Variants in PTPN13 observed in about 807,000 individuals in gnomAD.
PTPN13 encodes the protein tyrosine-protein phosphatase non-receptor type 13.
In PTPN13, 191 loss-of-function variants were observed where a neutral mutation model predicts 284.0. The observed-to-expected ratio is 0.67, with a 90% CI of 0.60 to 0.76. PTPN13 has a LOEUF of 0.76. Ranked by LOEUF, PTPN13 falls within the 30% of genes least tolerant of loss-of-function variation. PTPN13 has a pLI of 0.00. For missense variants in PTPN13, 2,797 were observed against 2,939.9 expected, an observed-to-expected ratio of 0.95 and a Z score of 1.12; for synonymous variants, 986 against 1,022.3, an observed-to-expected ratio of 0.96 and a Z score of 0.68.
intron 39 of PTPN13, 30 bp downstream of exon 39, chr4:86,785,398 A>G: frequency 6.4e-7 from 1 of 1,573,630 alleles, no homozygotes; most frequent in Non-Finnish European, 8.6e-7. Context: ...AAATTGGTAT[A>G]CTATGGAGTA....
In PTPN13 at chr4:86,814,688, CT is replaced by C. The variant is rs1466218975; in HGVS notation, c.*139del. 2.2e-5 allele frequency: 13 copies of C among 578,598 alleles called. No homozygotes were observed. Among genetic ancestry groups the C allele is most frequent in the Non-Finnish European group, 2.4e-5 (8 of 329,376 alleles). 35.8% of individuals were successfully genotyped at this position (578,598 alleles called of 1,614,324 possible). On this transcript the variant is annotated 3_prime_UTR_variant, in exon 48 of 48. Transcript: ENST00000411767. Reference sequence around the variant, plus strand: ...TTCTCCTCTATCTTAGAGGGGTATTCTTCTTGAAAATAAAAAATATTGAAAT... The same window carrying C: ...TTCTCCTCTATCTTAGAGGGGTATTCTCTTGAAAATAAAAAATATTGAAAT...
intron 2 of PTPN13, among the ~76,000 whole-genome samples, chr4:86,646,471 G>T (rs975351361): frequency 6.6e-6 from 1 of 151,802 alleles, no homozygotes; most frequent in Non-Finnish European, 1.5e-5. Context: ...CTATTTTCTC[G>T]TATTTTAGTA....
At chr4:86,643,303 A>G (rs1227771113) in intron 2 of PTPN13, among the ~76,000 whole-genome samples, 1 of 152,196 alleles carries the variant, frequency 6.6e-6, no homozygotes, top group Non-Finnish European at 1.5e-5. Flanking sequence ...GCAAAAATTG[A>G]AAGACCACAT....
intron 1 of PTPN13, among the ~76,000 whole-genome samples, chr4:86,624,134 C>T (rs765109203): frequency 6.6e-6 from 1 of 151,982 alleles, no homozygotes; most frequent in Non-Finnish European, 1.5e-5. Context: ...GTTGGTGGAT[C>T]GTTCCATTCT....
intron 2 of PTPN13, among the ~76,000 whole-genome samples, chr4:86,656,943 C>A (rs936382922): frequency 2.6e-5 from 4 of 152,224 alleles, no homozygotes; most frequent in Admixed American, 6.5e-5. Context: ...CATCCCCGAG[C>A]CTCGCTGCCG....
At chr4:86,759,186 G>A (rs1578594225) in intron 23 of PTPN13, 113 bp downstream of exon 23, 3 of 1,104,492 alleles carry the variant, frequency 2.7e-6, no homozygotes, top group Non-Finnish European at 3.8e-6. Context: ...TGCAACTTAA[G>A]TAAACTGTGA....
intron 16 of PTPN13, 57 bp from the exon 17 acceptor site, chr4:86,744,909 A>G (rs1305565416): frequency 3.1e-6 from 4 of 1,308,624 alleles, no homozygotes; most frequent in Non-Finnish European, 1.1e-6. Flanking sequence ...CCTAACAAGA[A>G]ATATAAATAA....
intron 2 of PTPN13, among the ~76,000 whole-genome samples, chr4:86,641,282 G>T (rs1723752593): frequency 6.6e-6 from 1 of 152,052 alleles, no homozygotes; most frequent in Non-Finnish European, 1.5e-5. Context: ...AAGTATAATG[G>T]TGTCCAAGAA....
chr4:86,758,799 T>C lies in PTPN13; in HGVS notation c.3421+14T>C, dbSNP rs757562554. The C allele has an allele frequency of 1.4e-5, 22 of 1,608,344 alleles. No homozygotes were observed. The highest frequency in any genetic ancestry group is 1.8e-5 in the Non-Finnish European group (21 of 1,177,628). On this transcript the variant is annotated intron_variant, in intron 22 of 47. Transcript: ENST00000411767. Reference sequence around the variant, plus strand: ...GCTTGAAGCCAGGTACTTTACATTTTGGTAGTTTTCTAAGTATTTTCTGAC... The same window carrying C: ...GCTTGAAGCCAGGTACTTTACATTTCGGTAGTTTTCTAAGTATTTTCTGAC...
rs1268209874 is a variant in PTPN13, at chr4:86,701,480, G to A, written c.874G>A (p.Val292Met). The A allele has an allele frequency of 7.4e-6, 12 of 1,613,808 alleles. No homozygotes were observed. The highest frequency in any genetic ancestry group is 1.6e-4 in the Middle Eastern group (1 of 6,084). Residue 292 changes from valine to methionine, a missense_variant, in exon 7 of 48, where the codon GTG becomes ATG. Coordinates refer to ENST00000411767, the MANE Select transcript of PTPN13 (RefSeq NM_080683.3). ...AAAAAAACCCATCCCTGGCATTGATGTGCTTTCTAAGAAGAAGATCTGGGC... is the reference window on the plus strand; with the variant it reads ...AAAAAAACCCATCCCTGGCATTGATATGCTTTCTAAGAAGAAGATCTGGGC... ...PEKKPIPGID[V>M]LSKKKIWASS...
chr4:86,749,060 T>C (rs983843989), intron 17 of PTPN13, among the ~76,000 whole-genome samples: 4 of 152,176 alleles, frequency 2.6e-5, no homozygotes, highest in South Asian at 2.1e-4. Flanking sequence ...ATCATTGAAT[T>C]TTCCTAGTGA....
Position 86,702,405 on chromosome 4 carries a change from C to T in PTPN13, c.1195+604C>T, listed in dbSNP as rs984255476. ...TCAGCCTAGGTTTGAATTAGTTCCT[C>T]CATTAGTAACTATGTGGTCTTTACT... On this transcript the variant is annotated intron_variant, in intron 7 of 47. Transcript: ENST00000411767. Among the ~76,000 whole-genome samples, 3 of 152,126 alleles carry T rather than the reference C, an allele frequency of 2.0e-5. No homozygotes were observed. The East Asian group carries it at 5.8e-4, about 29-fold the overall frequency.
intron 47 of PTPN13, among the ~76,000 whole-genome samples, 169 bp downstream of exon 47, chr4:86,811,277 AAAATT>A (rs1250392860): frequency 6.6e-6 from 1 of 152,222 alleles, no homozygotes; most frequent in Non-Finnish European, 1.5e-5. Flanking sequence ...AATTCAGAAA[AAAATT>A]AAAATACTTC....
chr4:86,782,015 T>C (rs10084954), intron 36 of PTPN13, among the ~76,000 whole-genome samples, 186 bp from the exon 37 acceptor site: 12,570 of 151,186 alleles, frequency 0.083, 659 homozygotes, highest in Non-Finnish European at 0.11. Context: ...AACCCAAAAA[T>C]ATTAGAGGTT....
intron 20 of PTPN13, among the ~76,000 whole-genome samples, chr4:86,756,144 G>A (rs1737937510): frequency 6.6e-6 from 1 of 151,848 alleles, no homozygotes; most frequent in Non-Finnish European, 1.5e-5. Context: ...GAAATTTAAA[G>A]CAATGATCAT....
chr4:86,692,256 CTG>C (rs1730104838), intron 5 of PTPN13, among the ~76,000 whole-genome samples: 1 of 152,186 alleles, frequency 6.6e-6, no homozygotes, highest in African/African-American at 2.4e-5. Context: ...GTTAGTAATA[CTG>C]TCTTTTCAGT....
intron 2 of PTPN13, among the ~76,000 whole-genome samples, chr4:86,636,128 C>T (rs530442209): frequency 5.3e-4 from 81 of 152,100 alleles, no homozygotes; most frequent in African/African-American, 1.9e-3. Context: ...AAGGAAGGCT[C>T]TCCTACACAA....
chr4:86,609,932 CAT>C (rs753833099), intron 1 of PTPN13, among the ~76,000 whole-genome samples: 16 of 152,090 alleles, frequency 1.1e-4, no homozygotes, highest in Non-Finnish European at 2.1e-4. Flanking sequence ...TTTTTAAAAA[CAT>C]GTTTGTTTTT....
intron 6 of PTPN13, among the ~76,000 whole-genome samples, chr4:86,695,546 G>A (rs1016571796): frequency 6.6e-6 from 1 of 152,000 alleles, no homozygotes; most frequent in African/African-American, 2.4e-5. Context: ...ATAGCAAGCT[G>A]AAATAATCTT....
Sources: allele counts gnomAD v4.1 joint callset (sites outside exome capture counted in the v4.1 genomes callset), GRCh38; gene constraint gnomAD v4.1.1; transcripts MANE v1.5; gene names NCBI Gene and HGNC (gene_info 2026-07-23, HGNC 2026-07-21).